The following CDC25C variants were observed in gnomAD, a reference collection of about 807,000 sequenced individuals.
CDC25C encodes the protein cell division cycle 25C, also known as M-phase inducer phosphatase 3.
CDC25C carries 48 observed loss-of-function variants against 52.5 expected under a neutral mutation model. The ratio of observed to expected loss-of-function variants is 0.91; its 90% confidence interval spans 0.72 to 1.16. The LOEUF (loss-of-function observed/expected upper bound fraction) is 1.16. CDC25C is among the 50% of genes most tolerant of loss of function. The pLI is 0.00. For synonymous variants in CDC25C, 187 were observed against 206.5 expected, an observed-to-expected ratio of 0.91 and a Z score of 0.81; for missense variants, 510 against 566.1, an observed-to-expected ratio of 0.90 and a Z score of 1.01.
intron 7 of CDC25C, among the ~76,000 whole-genome samples, chr5:138,305,266 G>A (rs570959172): frequency 1.3e-5 from 2 of 152,282 alleles, no homozygotes; most frequent in African/African-American, 2.4e-5. Context: ...TTCATCACCC[G>A]ATTCTTAACC....
intron 4 of CDC25C, among the ~76,000 whole-genome samples, chr5:138,328,226 A>G (rs1760055993): frequency 6.6e-6 from 1 of 152,224 alleles, no homozygotes; most frequent in Non-Finnish European, 1.5e-5. Context: ...AAGCCTATAC[A>G]TAAGTGTAGT....
chr5:138,325,748 T>G, intron 6 of CDC25C, 67 bp downstream of exon 6: 1 of 1,091,060 alleles, frequency 9.2e-7, no homozygotes, highest in South Asian at 1.3e-5. Flanking sequence ...TGTCTCATTA[T>G]GATACCAAGT....
chr5:138,337,471 T>TC (rs879834262), intron 1 of CDC25C: 29 of 156,096 alleles, frequency 1.9e-4, no homozygotes, highest in South Asian at 4.8e-4. Flanking sequence ...TCCCCGCACC[T>TC]CCCCCCAGGC....
At chr5:138,328,679 T>A in intron 3 of CDC25C, 150 bp from the exon 4 acceptor site, 1 of 625,600 alleles carries the variant, frequency 1.6e-6, no homozygotes, top group South Asian at 2.0e-5. Context: ...ACCCATTTCA[T>A]GGTACAAGGT....
upstream of CDC25C, chr5:138,331,943 T>TG: frequency 1.0e-6 from 1 of 970,504 alleles, no homozygotes; most frequent in Non-Finnish European, 1.2e-6. Context: ...GCAGATCACC[T>TG]GGGGGCGTGT....
At chr5:138,312,954 A>T (rs1031227734) in intron 7 of CDC25C, among the ~76,000 whole-genome samples, 31 of 152,186 alleles carry the variant, frequency 2.0e-4, no homozygotes, top group Admixed American at 1.7e-3. Context: ...GCCAGAGATA[A>T]AAGGATGATA....
chr5:138,296,336 A>T (rs1040305688), intron 7 of CDC25C, among the ~76,000 whole-genome samples: 1 of 151,644 alleles, frequency 6.6e-6, no homozygotes, highest in Non-Finnish European at 1.5e-5. Context: ...CCTGAGTTCA[A>T]GCGATTCCCC....
chr5:138,334,840 T>C (rs796655171), upstream of CDC25C, among the ~76,000 whole-genome samples: 13 of 152,368 alleles, frequency 8.5e-5, no homozygotes, highest in African/African-American at 3.1e-4. Context: ...AAATATTGTC[T>C]TTTATATCTT....
intron 11 of CDC25C, 133 bp from the exon 12 acceptor site, chr5:138,286,763 G>A (rs1756280132): frequency 2.7e-6 from 2 of 742,912 alleles, no homozygotes; most frequent in Admixed American, 2.9e-5. Flanking sequence ...TTAGGGCAGG[G>A]GTCTAAGTAT....
At chr5:138,306,861 T>G (rs539769484) in intron 7 of CDC25C, among the ~76,000 whole-genome samples, 2 of 152,122 alleles carry the variant, frequency 1.3e-5, no homozygotes, top group South Asian at 2.1e-4. Context: ...TTTTCCTTTT[T>G]GAGACAGAGT....
chr5:138,319,161 CTTT>C, intron 7 of CDC25C, 55 bp downstream of exon 7: 4 of 1,452,264 alleles, frequency 2.8e-6, no homozygotes, highest in Non-Finnish European at 3.8e-6. Context: ...TCTAGTTCTT[CTTT>C]TAACAGAATG....
intron 6 of CDC25C, among the ~76,000 whole-genome samples, chr5:138,323,704 T>C (rs1424589360): frequency 6.6e-6 from 1 of 151,874 alleles, no homozygotes; most frequent in African/African-American, 2.4e-5. Context: ...CTCATGCCTG[T>C]AATCCCAGCA....
rs180773150 is a variant in CDC25C at position 138,291,955 on chromosome 5, T to C, written c.762+15A>G. 312 of 1,594,520 alleles carry C rather than the reference T, an allele frequency of 2.0e-4. No individual in the cohort carries two copies. The highest frequency in any genetic ancestry group is 1.9e-4 in the Non-Finnish European group (218 of 1,169,770). ...ATAGAAGATGAACAAGATTTTCATC[T>C]TAAAAAGTTCTTACCTTCCTGAGCT... On this transcript the variant is annotated intron_variant, in intron 8 of 13. Transcript: ENST00000323760.
chr5:138,292,158 G>A, intron 7 of CDC25C, 42 bp from the exon 8 acceptor site: 1 of 1,570,384 alleles, frequency 6.4e-7, no homozygotes, highest in Non-Finnish European at 8.7e-7. Context: ...ACTCCTCCAA[G>A]TGTGTCTGCA....
Position 138,319,240 on chromosome 5 carries a change from G to A in CDC25C, c.594C>T (p.Ser198=). Residue 198 remains serine, a synonymous_variant, in exon 7 of 14, where the codon TCC becomes TCT. Coordinates refer to ENST00000323760, the MANE Select transcript of CDC25C (RefSeq NM_001790.5). The part of the protein sequence containing the change: ...EEISDELMEF[S]LKDQEAKVSR... ...TTACCTTTGCTTCTTGATCTTTCAGGGAAAACTCCATTAATTCATCTGAAA... is the reference window on the plus strand; with the variant it reads ...TTACCTTTGCTTCTTGATCTTTCAGAGAAAACTCCATTAATTCATCTGAAA... 1 of 1,612,822 alleles carries A rather than the reference G, an allele frequency of 6.2e-7. No homozygotes were observed. The highest frequency in any genetic ancestry group is 8.5e-7 in the Non-Finnish European group (1 of 1,179,450).
upstream of CDC25C, among the ~76,000 whole-genome samples, chr5:138,334,422 G>A (rs753283707): frequency 5.9e-5 from 9 of 151,988 alleles, no homozygotes; most frequent in East Asian, 9.7e-4. Flanking sequence ...GTGCAATGGC[G>A]CAATCTCAGC....
chr5:138,336,201 C>T (rs905161651), upstream of CDC25C, among the ~76,000 whole-genome samples: 4 of 151,098 alleles, frequency 2.6e-5, no homozygotes, highest in South Asian at 4.2e-4. Flanking sequence ...GGCACAATCT[C>T]GGCTCACTGC....
At chr5:138,329,446 G>C (rs1760157883) in intron 3 of CDC25C, 107 bp downstream of exon 3, 1 of 746,348 alleles carries the variant, frequency 1.3e-6, no homozygotes, top group Non-Finnish European at 2.3e-6. Context: ...ATCTCTCTAG[G>C]CAGATTCTTT....
At chr5:138,324,252 C>A (rs1759676558) in intron 6 of CDC25C, among the ~76,000 whole-genome samples, 1 of 151,908 alleles carries the variant, frequency 6.6e-6, no homozygotes, top group Non-Finnish European at 1.5e-5. Flanking sequence ...GCCTGGGTGA[C>A]AGAGTGAGAC....
Sources: allele counts gnomAD v4.1 joint callset (sites outside exome capture counted in the v4.1 genomes callset), GRCh38; gene constraint gnomAD v4.1.1; transcripts MANE v1.5; gene names NCBI Gene and HGNC (gene_info 2026-07-23, HGNC 2026-07-21).